The following TNFSF4 variants were observed in gnomAD, a reference collection of about 807,000 sequenced individuals.
TNFSF4 encodes the protein TNF superfamily member 4.
In TNFSF4, 4 loss-of-function variants were observed where a neutral mutation model predicts 7.3. The observed-to-expected ratio is 0.55, with a 90% CI of 0.27 to 1.25. TNFSF4 has a LOEUF of 1.25. Ranked by LOEUF, TNFSF4 falls within the 50% of genes most tolerant of loss-of-function variation. The pLI, the probability that TNFSF4 is intolerant of heterozygous loss-of-function variation, is 0.12. For missense variants in TNFSF4, 181 were observed against 208.8 expected (o/e 0.87, Z 0.82); for synonymous variants, 76 against 83.7 (o/e 0.91, Z 0.50).
the TNFSF4 span, among the ~76,000 whole-genome samples, chr1:173,273,100 G>T: frequency 6.6e-6 from 1 of 152,078 alleles, no homozygotes; most frequent in African/African-American, 2.4e-5. Context: ...TTTTTTCCTT[G>T]CAAATTGATG....
the TNFSF4 span, among the ~76,000 whole-genome samples, chr1:173,367,344 A>G: frequency 1.3e-5 from 2 of 152,234 alleles, no homozygotes; most frequent in African/African-American, 4.8e-5. Flanking sequence ...TTTGTGTTAC[A>G]GTGCCAGATG....
the TNFSF4 span, among the ~76,000 whole-genome samples, chr1:173,299,146 C>A: frequency 2.0e-5 from 3 of 151,898 alleles, no homozygotes; most frequent in Non-Finnish European, 2.9e-5. Context: ...CCAGATTCAA[C>A]AGCCAGATTC....
the TNFSF4 span, among the ~76,000 whole-genome samples, chr1:173,383,790 C>G: frequency 1.3e-5 from 2 of 152,122 alleles, no homozygotes; most frequent in Non-Finnish European, 2.9e-5. Context: ...AGTCCTCATT[C>G]AACCACTTCC....
the TNFSF4 span, among the ~76,000 whole-genome samples, chr1:173,382,681 C>A: frequency 6.6e-6 from 1 of 152,132 alleles, no homozygotes; most frequent in Middle Eastern, 3.2e-3. Flanking sequence ...TTGACTGATT[C>A]CTATTCTTTT....
At chr1:173,244,155 G>A in the TNFSF4 span, among the ~76,000 whole-genome samples, 5 of 152,084 alleles carry the variant, frequency 3.3e-5, no homozygotes, top group South Asian at 2.1e-4. Flanking sequence ...TAAGTCTATC[G>A]TTTTGGGAGT....
the TNFSF4 span, among the ~76,000 whole-genome samples, chr1:173,407,559 C>CAAAAAAAAAAAAAAAAA: frequency 1.4e-5 from 1 of 72,066 alleles, no homozygotes; most frequent in Non-Finnish European, 2.5e-5. Flanking sequence ...GACTCTGCCT[C>CAAAAAAAAAAAAAAAAA]AAAAAAAAAA....
the TNFSF4 span, among the ~76,000 whole-genome samples, chr1:173,366,480 A>G: frequency 6.6e-6 from 1 of 152,132 alleles, no homozygotes; most frequent in South Asian, 2.1e-4. Context: ...GGAAGTCCAC[A>G]TGGAGGGGTT....
chr1:173,315,860 G>A, the TNFSF4 span, among the ~76,000 whole-genome samples: 4 of 152,032 alleles, frequency 2.6e-5, no homozygotes, highest in Admixed American at 1.3e-4. Context: ...TTTTCATTTT[G>A]TTGATTTTTT....
the TNFSF4 span, among the ~76,000 whole-genome samples, chr1:173,384,020 G>A: frequency 0.1 from 15,505 of 152,158 alleles, 932 homozygotes; most frequent in Middle Eastern, 0.16. Context: ...CCCATTTTCT[G>A]GTAGGTGTGG....
chr1:173,319,437 C>A, the TNFSF4 span, among the ~76,000 whole-genome samples: 1 of 152,168 alleles, frequency 6.6e-6, no homozygotes, highest in Non-Finnish European at 1.5e-5. Context: ...ATCTTTTGTA[C>A]CTGCTGACTC....
the TNFSF4 span, among the ~76,000 whole-genome samples, chr1:173,293,595 G>A: frequency 2.6e-5 from 4 of 151,764 alleles, no homozygotes; most frequent in South Asian, 2.1e-4. Context: ...AAGCAATTGC[G>A]ATAAAAATGA....
At chr1:173,235,833 T>C in the TNFSF4 span, among the ~76,000 whole-genome samples, 1 of 152,246 alleles carries the variant, frequency 6.6e-6, no homozygotes. Flanking sequence ...AAGTACCATG[T>C]CGTTCAGCAG....
the TNFSF4 span, among the ~76,000 whole-genome samples, chr1:173,240,919 A>G: frequency 6.6e-6 from 1 of 152,190 alleles, no homozygotes; most frequent in Non-Finnish European, 1.5e-5. Context: ...CTTGATTACT[A>G]TTAAGATTTA....
At chr1:173,218,829 A>G in the TNFSF4 span, among the ~76,000 whole-genome samples, 9 of 152,154 alleles carry the variant, frequency 5.9e-5, no homozygotes, top group Non-Finnish European at 1.2e-4. Flanking sequence ...TGTAAGCCAT[A>G]AGAAACATAA....
the TNFSF4 span, among the ~76,000 whole-genome samples, chr1:173,246,120 G>A: frequency 6.6e-6 from 1 of 152,054 alleles, no homozygotes; most frequent in Non-Finnish European, 1.5e-5. Context: ...CTTATTTAGG[G>A]TAGTCCTATT....
At chr1:173,256,375 G>A in the TNFSF4 span, among the ~76,000 whole-genome samples, 2 of 152,024 alleles carry the variant, frequency 1.3e-5, no homozygotes, top group African/African-American at 4.8e-5. Flanking sequence ...CCACCTTCTC[G>A]CTGTGATCTC....
At chr1:173,356,778 A>G in the TNFSF4 span, among the ~76,000 whole-genome samples, 1 of 152,208 alleles carries the variant, frequency 6.6e-6, no homozygotes, top group Non-Finnish European at 1.5e-5. Context: ...AATCAATAGT[A>G]TAATTTGTTG....
At chr1:173,323,611 TTGAAAAAAATTAGA>T in the TNFSF4 span, among the ~76,000 whole-genome samples, 1 of 151,994 alleles carries the variant, frequency 6.6e-6, no homozygotes, top group Non-Finnish European at 1.5e-5. Flanking sequence ...GTTAAAAACT[TTGAAAAAAATTAGA>T]TGAATGGATA....
the TNFSF4 span, among the ~76,000 whole-genome samples, chr1:173,353,939 G>A: frequency 6.6e-6 from 1 of 151,414 alleles, no homozygotes. Context: ...AAAAACAAGA[G>A]CAAACAAATC....
Sources: allele counts gnomAD v4.1 joint callset (sites outside exome capture counted in the v4.1 genomes callset), GRCh38; gene constraint gnomAD v4.1.1; transcripts MANE v1.5; gene names NCBI Gene and HGNC (gene_info 2026-07-23, HGNC 2026-07-21).